RAB7B: variants seen among roughly 807,000 people sequenced by gnomAD.
RAB7B encodes the protein RAB7B, member RAS oncogene family.
chr1:205,999,028 G>T (rs1175545795), intron 1 of RAB7B, among the ~76,000 whole-genome samples: 1 of 152,164 alleles, frequency 6.6e-6, no homozygotes, highest in Non-Finnish European at 1.5e-5. Flanking sequence ...GCTGGGATTG[G>T]AGTCCAGGCC....
At chr1:205,989,322 T>C (rs2102637879) in intron 4 of RAB7B, among the ~76,000 whole-genome samples, 1 of 152,174 alleles carries the variant, frequency 6.6e-6, no homozygotes, top group East Asian at 1.9e-4. Flanking sequence ...CATTGCCTCT[T>C]TCAAACCTTT....
intron 1 of RAB7B, among the ~76,000 whole-genome samples, chr1:206,001,857 A>G (rs1188748948): frequency 6.6e-6 from 1 of 151,786 alleles, no homozygotes; most frequent in Non-Finnish European, 1.5e-5. Context: ...GAACGCTGGA[A>G]CCCCCTTCCC....
intron 1 of RAB7B, among the ~76,000 whole-genome samples, chr1:206,000,139 A>T (rs1418305075): frequency 6.6e-6 from 1 of 152,234 alleles, no homozygotes; most frequent in Non-Finnish European, 1.5e-5. Flanking sequence ...TAAGTAAGAA[A>T]AAAGAAAATC....
intron 5 of RAB7B, chr1:205,983,724 T>C (rs1285690332): frequency 3.3e-5 from 5 of 152,022 alleles, no homozygotes; most frequent in African/African-American, 1.2e-4. Context: ...ACATGCCCCA[T>C]AAACATGGGG....
At chr1:205,998,137 T>G (rs1660834654) in intron 1 of RAB7B, among the ~76,000 whole-genome samples, 1 of 152,084 alleles carries the variant, frequency 6.6e-6, no homozygotes, top group Admixed American at 6.5e-5. Flanking sequence ...GGGCGGATCA[T>G]GAGGTCAGGA....
chr1:205,999,986 T>C (rs1372792599), intron 1 of RAB7B, among the ~76,000 whole-genome samples: 2 of 152,152 alleles, frequency 1.3e-5, no homozygotes, highest in Non-Finnish European at 2.9e-5. Flanking sequence ...GTAGCCCCAG[T>C]TGGTATCAAA....
At chr1:205,987,932 T>TG (rs1250456581) in intron 4 of RAB7B, among the ~76,000 whole-genome samples, 10 of 152,082 alleles carry the variant, frequency 6.6e-5, no homozygotes, top group South Asian at 2.1e-4. Flanking sequence ...TTTGGAGAGA[T>TG]GGGGGTCTCA....
chr1:205,987,589 A>G (rs1220543102), intron 4 of RAB7B, among the ~76,000 whole-genome samples: 3 of 152,252 alleles, frequency 2.0e-5, no homozygotes, highest in Admixed American at 6.5e-5. Context: ...CACTAAGAAT[A>G]ACAAAGGATA....
intron 5 of RAB7B, among the ~76,000 whole-genome samples, chr1:205,980,599 G>A (rs1483358252): frequency 6.6e-6 from 1 of 152,206 alleles, no homozygotes; most frequent in Non-Finnish European, 1.5e-5. Flanking sequence ...CCACCTCAGT[G>A]GCCTTGCCTT....
chr1:205,999,593 G>T (rs912893285), intron 1 of RAB7B, among the ~76,000 whole-genome samples: 1 of 152,112 alleles, frequency 6.6e-6, no homozygotes, highest in Admixed American at 6.6e-5. Context: ...ACACAGCCTA[G>T]GTTCTCATTC....
chr1:205,979,619 C>A (rs1171929240), intron 5 of RAB7B, among the ~76,000 whole-genome samples: 1 of 152,154 alleles, frequency 6.6e-6, no homozygotes, highest in African/African-American at 2.4e-5. Flanking sequence ...GTTCCTCAGG[C>A]TGAAGACTTT....
At chr1:205,985,746 C>CCCCACCAGGCCCACCAGG (rs1558143196) in intron 4 of RAB7B, 81 bp from the exon 5 acceptor site, 3,803 of 271,706 alleles carry the variant, frequency 0.014, 212 homozygotes, top group Non-Finnish European at 0.018. Context: ...TCCCCACCAT[C>CCCCACCAGGCCCACCAGG]CCCATCAGGC....
chr1:205,989,381 T>C (rs1660677825), intron 4 of RAB7B, among the ~76,000 whole-genome samples: 1 of 152,080 alleles, frequency 6.6e-6, no homozygotes, highest in Non-Finnish European at 1.5e-5. Context: ...GGGGCTTGGA[T>C]TGGACCCCCT....
chr1:205,988,936 C>T (rs1188066017), intron 4 of RAB7B, among the ~76,000 whole-genome samples: 1 of 152,162 alleles, frequency 6.6e-6, no homozygotes, highest in African/African-American at 2.4e-5. Context: ...CCAGCCTCCC[C>T]TCTTGGGGCT....
At chr1:205,992,366 T>C (rs1335062336) in intron 4 of RAB7B, 114 bp downstream of exon 4, 9 of 397,656 alleles carry the variant, frequency 2.3e-5, no homozygotes, top group Non-Finnish European at 3.5e-5. Flanking sequence ...GTGAAATTCC[T>C]GAAGTAAGGA....
At chr1:205,992,836 G>A (rs1660748688) in intron 3 of RAB7B, 141 bp from the exon 4 acceptor site, 3 of 396,898 alleles carry the variant, frequency 7.6e-6, no homozygotes, top group Middle Eastern at 6.2e-4. Context: ...CTTTCACACC[G>A]TGGCACGTTG....
At chr1:205,995,126 G>A (rs1326196225) in intron 1 of RAB7B, among the ~76,000 whole-genome samples, 3 of 152,104 alleles carry the variant, frequency 2.0e-5, no homozygotes, top group African/African-American at 7.2e-5. Context: ...GGGGCAGGGG[G>A]TGGGATAGCA....
intron 5 of RAB7B, among the ~76,000 whole-genome samples, chr1:205,980,853 T>TCACC (rs1558142087): frequency 2.3e-4 from 21 of 92,568 alleles, no homozygotes; most frequent in Non-Finnish European, 4.1e-4. Context: ...TCCCTCCCCT[T>TCACC]TCCTCCCCTT....
intron 1 of RAB7B, among the ~76,000 whole-genome samples, chr1:206,002,462 C>T (rs1386012202): frequency 1.3e-5 from 2 of 152,226 alleles, no homozygotes; most frequent in African/African-American, 4.8e-5. Context: ...TCCATCCACT[C>T]ATCCATCCAT....
Sources: allele counts gnomAD v4.1 joint callset (sites outside exome capture counted in the v4.1 genomes callset), GRCh38; gene constraint gnomAD v4.1.1; transcripts MANE v1.5; gene names NCBI Gene and HGNC (gene_info 2026-07-23, HGNC 2026-07-21).